Variants in CDH8 observed in about 807,000 individuals in gnomAD.
The protein encoded by CDH8 is cadherin 8.
Under a neutral mutation model 68.1 loss-of-function variants are expected in CDH8, and 17 were observed. The observed-to-expected ratio is 0.25, with a 90% confidence interval of 0.17 to 0.37. The LOEUF (loss-of-function observed/expected upper bound fraction) is 0.37. CDH8 is among the 10% of genes least tolerant of loss of function. The probability of loss-of-function intolerance (pLI) is 1.00; values close to 1 mark genes in which losing one functional copy is unlikely to be tolerated. For synonymous variants in CDH8, 372 were observed against 365.1 expected, an observed-to-expected ratio of 1.02 and a Z score of -0.21; for missense variants, 763 against 999.3, an observed-to-expected ratio of 0.76 and a Z score of 3.19.
intron 2 of CDH8, among the ~76,000 whole-genome samples, chr16:61,995,633 T>C (rs547883843): frequency 3.9e-5 from 6 of 152,198 alleles, no homozygotes; most frequent in Non-Finnish European, 7.3e-5. Context: ...TGCCTTGGCC[T>C]CCCAAAGTGC....
intron 7 of CDH8, among the ~76,000 whole-genome samples, chr16:61,800,478 G>A (rs1178365591): frequency 2.0e-5 from 3 of 152,138 alleles, no homozygotes; most frequent in African/African-American, 7.2e-5. Context: ...CAGACCCTTG[G>A]CTTTGGAAGG....
intron 6 of CDH8, 193 bp from the exon 7 acceptor site, chr16:61,817,925 G>T (rs1342446592): frequency 4.0e-6 from 2 of 500,272 alleles, no homozygotes; most frequent in Non-Finnish European, 7.0e-6. Context: ...TATTATATAA[G>T]CTCAGTGAAT....
At chr16:61,833,214 A>G (rs573844379) in intron 4 of CDH8, among the ~76,000 whole-genome samples, 2 of 151,532 alleles carry the variant, frequency 1.3e-5, no homozygotes, top group East Asian at 1.9e-4. Context: ...ATAATATTAT[A>G]TACACAGTAT....
In CDH8 at chr16:61,648,531, AC is replaced by A. The variant is rs1268600930; in HGVS notation, c.*5076del. 6.6e-6 allele frequency: 1 copy of A among 151,892 alleles called. No homozygotes were observed. Among genetic ancestry groups the A allele is most frequent in the Non-Finnish European group, 1.5e-5 (1 of 67,894 alleles). 9.4% of individuals were successfully genotyped at this position (151,892 alleles called of 1,614,324 possible). A position where few individuals can be genotyped will look rare whatever the true frequency, so the allele number is the denominator to read the frequency against. ...CAAAAGTCTCATAATTACAGAGATA[AC>A]TGTTTAGTTGAAAGTTAAGGGGATT... On this transcript the variant is annotated 3_prime_UTR_variant, in exon 12 of 12. Coordinates refer to ENST00000577390, the MANE Select transcript of CDH8 (RefSeq NM_001796.5).
At chr16:62,035,233 C>A (rs530161789) in intron 1 of CDH8, 61 of 152,276 alleles carry the variant, frequency 4.0e-4, no homozygotes, top group Non-Finnish European at 8.1e-4. Context: ...CTGCGAGGGG[C>A]GCGACCAGCC....
At chr16:61,837,219 G>A (rs553127967) in intron 4 of CDH8, among the ~76,000 whole-genome samples, 1 of 152,016 alleles carries the variant, frequency 6.6e-6, no homozygotes, top group African/African-American at 2.4e-5. Flanking sequence ...GTCTGTGCAA[G>A]ACATAGCATC....
At chr16:62,016,235 A>G (rs1297353547) in intron 2 of CDH8, among the ~76,000 whole-genome samples, 2 of 151,976 alleles carry the variant, frequency 1.3e-5, no homozygotes, top group African/African-American at 4.8e-5. Context: ...TTTTCTTGTG[A>G]TGTTTCTTCA....
intron 2 of CDH8, among the ~76,000 whole-genome samples, chr16:62,019,940 T>C (rs1197259533): frequency 6.6e-6 from 1 of 152,214 alleles, no homozygotes; most frequent in Admixed American, 6.5e-5. Context: ...GTTTTGTTCA[T>C]TGATACGCCT....
intron 2 of CDH8, among the ~76,000 whole-genome samples, chr16:61,994,642 C>T (rs117982100): frequency 0.013 from 1,958 of 152,272 alleles, 19 homozygotes; most frequent in Non-Finnish European, 0.022. Context: ...GTGTGGTCTT[C>T]AGACCAGCAT....
chr16:61,874,483 C>A (rs1160452423), intron 3 of CDH8, among the ~76,000 whole-genome samples: 1 of 151,896 alleles, frequency 6.6e-6, no homozygotes, highest in East Asian at 2.0e-4. Flanking sequence ...AGGTGCCCAC[C>A]ACCACGCCCA....
At chr16:62,001,721 G>A (rs142982935) in intron 2 of CDH8, among the ~76,000 whole-genome samples, 3 of 152,068 alleles carry the variant, frequency 2.0e-5, no homozygotes, top group African/African-American at 7.2e-5. Context: ...CGCACAACAT[G>A]CAGGTTAGGT....
intron 2 of CDH8, among the ~76,000 whole-genome samples, chr16:62,010,784 C>G (rs1250786144): frequency 6.6e-6 from 1 of 150,394 alleles, no homozygotes; most frequent in Non-Finnish European, 1.5e-5. Flanking sequence ...ACTAAAAATA[C>G]AAAAAAAAAT....
intron 10 of CDH8, among the ~76,000 whole-genome samples, chr16:61,703,623 G>A (rs1439245072): frequency 6.6e-6 from 1 of 152,092 alleles, no homozygotes; most frequent in Non-Finnish European, 1.5e-5. Context: ...CATGGATCAC[G>A]AGGTCAGGAG....
chr16:61,750,057 CCT>C (rs1174060609), intron 8 of CDH8, among the ~76,000 whole-genome samples: 4 of 152,008 alleles, frequency 2.6e-5, no homozygotes, highest in Non-Finnish European at 4.4e-5. Context: ...CCTTTGTCCC[CCT>C]GTCTCCCTCC....
intron 4 of CDH8, among the ~76,000 whole-genome samples, chr16:61,830,975 C>A (rs760733135): frequency 6.6e-6 from 1 of 151,764 alleles, no homozygotes; most frequent in Non-Finnish European, 1.5e-5. Context: ...TCATAATCAG[C>A]TAGCCTTGGA....
chr16:61,873,815 C>T (rs542686077), intron 3 of CDH8, among the ~76,000 whole-genome samples: 14 of 152,134 alleles, frequency 9.2e-5, no homozygotes, highest in East Asian at 1.9e-4. Context: ...CAGCACTTTG[C>T]GAAGCCAAGG....
chr16:61,999,047 G>C (rs1965851588), intron 2 of CDH8, among the ~76,000 whole-genome samples: 1 of 152,098 alleles, frequency 6.6e-6, no homozygotes, highest in South Asian at 2.1e-4. Context: ...GCTTTAGAAG[G>C]ATGAGAATTT....
At chr16:61,891,082 A>G (rs1009752633) in intron 3 of CDH8, among the ~76,000 whole-genome samples, 1 of 151,878 alleles carries the variant, frequency 6.6e-6, no homozygotes, top group African/African-American at 2.4e-5. Context: ...TATATTTTAT[A>G]CATATAATAT....
chr16:61,753,100 T>C (rs1231823413), intron 8 of CDH8, among the ~76,000 whole-genome samples: 1 of 150,338 alleles, frequency 6.7e-6, no homozygotes, highest in Non-Finnish European at 1.5e-5. Context: ...AGCAAGAAGA[T>C]TTTTTTATAA....
Sources: allele counts gnomAD v4.1 joint callset (sites outside exome capture counted in the v4.1 genomes callset), GRCh38; gene constraint gnomAD v4.1.1; transcripts MANE v1.5; gene names NCBI Gene and HGNC (gene_info 2026-07-23, HGNC 2026-07-21).